Variants in VWA8 observed in about 807,000 individuals in gnomAD.
The protein encoded by VWA8 is von Willebrand factor A domain containing 8, also known as von Willebrand factor A domain-containing protein 8.
Under a neutral mutation model 241.5 loss-of-function variants are expected in VWA8, and 221 were observed. That is an observed-to-expected ratio of 0.91 (90% confidence interval 0.82 to 1.02). The LOEUF (loss-of-function observed/expected upper bound fraction) is 1.02. Among genes scored for constraint, VWA8 ranks in the 50% least tolerant of loss-of-function variants. The pLI is 0.00. For missense variants in VWA8, 2,322 were observed against 2,328.7 expected (o/e 1.00, Z 0.06); for synonymous variants, 852 against 827.1 (o/e 1.03, Z -0.52).
intron 17 of VWA8, among the ~76,000 whole-genome samples, chr13:41,790,663 A>G (rs540430410): frequency 1.2e-4 from 19 of 152,142 alleles, no homozygotes; most frequent in East Asian, 1.2e-3. Context: ...TGAGTGAAGT[A>G]GAACTCTTAT....
At chr13:41,805,767 T>C (rs1445533363) in intron 17 of VWA8, among the ~76,000 whole-genome samples, 1 of 151,864 alleles carries the variant, frequency 6.6e-6, no homozygotes, top group Non-Finnish European at 1.5e-5. Flanking sequence ...TGAGCCAAGA[T>C]TGCGCCATTG....
chr13:41,894,403 G>A (rs6561020), intron 4 of VWA8, among the ~76,000 whole-genome samples: 55,300 of 152,022 alleles, frequency 0.36, 10,390 homozygotes, highest in African/African-American at 0.46. Flanking sequence ...GATGGAAAAA[G>A]GATAACACAA....
At chr13:41,930,462 C>T (rs1877051966) in intron 2 of VWA8, among the ~76,000 whole-genome samples, 1 of 152,140 alleles carries the variant, frequency 6.6e-6, no homozygotes, top group South Asian at 2.1e-4. Context: ...CGGAAACAAC[C>T]AAAATGTCAA....
intron 5 of VWA8, among the ~76,000 whole-genome samples, chr13:41,889,355 A>G (rs1294356022): frequency 2.0e-5 from 3 of 151,992 alleles, no homozygotes. Flanking sequence ...CTCACTTAAT[A>G]ATAAGCATTC....
In VWA8 at chr13:41,885,979, A is replaced by G. The variant is rs1874513914; in HGVS notation, c.916T>C (p.Ser306Pro). 2 of 1,607,964 alleles carry G rather than the reference A, an allele frequency of 1.2e-6. No individual in the cohort carries two copies. Among genetic ancestry groups the G allele is most frequent in the Non-Finnish European group, 1.7e-6 (2 of 1,178,540 alleles). Residue 306 changes from serine to proline, a missense_variant, in exon 8 of 45, where the codon TCT becomes CCT. Transcript: ENST00000379310. ...FATTLCSQES[S>P]TLGLPDFPLD... The stretch of plus-strand genomic sequence containing the variant: ...GGAAAGTCTGGAAGTCCAAGAGTAG[A>G]AGATTCTTGGGAACACAGAGTTGTG...
intron 14 of VWA8, among the ~76,000 whole-genome samples, chr13:41,824,050 C>A (rs1037011261): frequency 6.6e-5 from 10 of 152,254 alleles, no homozygotes; most frequent in East Asian, 1.9e-4. Flanking sequence ...ATAGAGTTAC[C>A]CTTACCTGAG....
chr13:41,628,600 T>TA (rs925563523), intron 37 of VWA8, among the ~76,000 whole-genome samples: 10 of 151,964 alleles, frequency 6.6e-5, no homozygotes, highest in East Asian at 3.9e-4. Flanking sequence ...TATGCAGCCA[T>TA]AAAAAAAATA....
intron 17 of VWA8, among the ~76,000 whole-genome samples, chr13:41,793,018 G>A (rs1869526320): frequency 6.6e-6 from 1 of 152,006 alleles, no homozygotes; most frequent in Non-Finnish European, 1.5e-5. Context: ...TGCTAAAAGT[G>A]CTGAAAGATA....
intron 43 of VWA8, among the ~76,000 whole-genome samples, chr13:41,574,295 A>C (rs1490685347): frequency 6.6e-6 from 1 of 152,190 alleles, no homozygotes; most frequent in Non-Finnish European, 1.5e-5. Flanking sequence ...CAAGCTGAGA[A>C]TCAAATCAAG....
chr13:41,704,098 C>G (rs2045267736), intron 26 of VWA8, among the ~76,000 whole-genome samples: 2 of 152,154 alleles, frequency 1.3e-5, no homozygotes, highest in South Asian at 4.1e-4. Context: ...GAAGAGTACA[C>G]CATACTACTA....
intron 2 of VWA8, among the ~76,000 whole-genome samples, chr13:41,947,951 AAAC>A (rs1340463273): frequency 3.8e-5 from 5 of 131,066 alleles, no homozygotes; most frequent in East Asian, 2.0e-4. Context: ...AAAAAAAAAA[AAAC>A]AAAACAAAAC....
chr13:41,570,461 C>T lies in VWA8; in HGVS notation c.5609+7G>A, dbSNP rs1861616686. ...TGCCCTTTTCTGTATGCTCAGATGA[C>T]ACTTACCTGGTTGCTTGATCACCTA... On this transcript the variant is annotated splice_region_variant and intron_variant, in intron 44 of 44. Coordinates refer to ENST00000379310, the MANE Select transcript of VWA8 (RefSeq NM_015058.2). 1 of 1,612,228 alleles carries T rather than the reference C, an allele frequency of 6.2e-7. No homozygotes were observed. Among genetic ancestry groups the T allele is most frequent in the East Asian group, 2.2e-5 (1 of 44,860 alleles).
At position 41,681,813 on chromosome 13, in the gene VWA8, T is replaced by C. The variant is rs184780101; in HGVS notation, c.4327+3234A>G. 3.3e-5 allele frequency among the ~76,000 whole-genome samples: 5 copies of C among 152,190 alleles called. No homozygotes were observed. The East Asian group carries it at 7.7e-4, about 24-fold the overall frequency. On this transcript the variant is annotated intron_variant, in intron 35 of 44. Transcript: ENST00000379310. ...TAATATAGATTTGAACAAGACCTTC[T>C]GAGGAAGTGACATTTAAACTGAGAA...
chr13:41,847,245 G>A (rs1291303701), intron 12 of VWA8, among the ~76,000 whole-genome samples: 2 of 152,040 alleles, frequency 1.3e-5, no homozygotes, highest in Non-Finnish European at 2.9e-5. Flanking sequence ...GAGAAGAAAG[G>A]AATAGAAGGA....
At chr13:41,813,476 A>T (rs1291818751) in intron 16 of VWA8, among the ~76,000 whole-genome samples, 3 of 152,198 alleles carry the variant, frequency 2.0e-5, no homozygotes, top group African/African-American at 7.2e-5. Flanking sequence ...ACCTAGGACC[A>T]TGAAAAATTC....
At chr13:41,651,031 G>A (rs1327535230) in intron 37 of VWA8, among the ~76,000 whole-genome samples, 1 of 152,100 alleles carries the variant, frequency 6.6e-6, no homozygotes, top group African/African-American at 2.4e-5. Flanking sequence ...CTCATAAAAT[G>A]CGTAATAAAT....
chr13:41,710,828 G>A (rs1286477227), intron 26 of VWA8, among the ~76,000 whole-genome samples: 1 of 152,146 alleles, frequency 6.6e-6, no homozygotes, highest in African/African-American at 2.4e-5. Flanking sequence ...TCTAATAAAC[G>A]TATTCCAAAG....
chr13:41,692,990 A>C lies in VWA8; in HGVS notation c.3565-18T>G. ...ACATTACTCTGCAAATGATAAAAAC[A>C]GTGAAAAGCTCAAGATTTGTTCTTT... On this transcript the variant is annotated intron_variant, in intron 29 of 44. Transcript: ENST00000379310. 3.2e-6 allele frequency: 5 copies of C among 1,544,180 alleles called. No homozygotes were observed. Among genetic ancestry groups the C allele is most frequent in the Non-Finnish European group, 4.4e-6 (5 of 1,131,958 alleles).
intron 40 of VWA8, among the ~76,000 whole-genome samples, chr13:41,598,553 A>G (rs1044996181): frequency 2.0e-5 from 3 of 152,044 alleles, no homozygotes; most frequent in Non-Finnish European, 4.4e-5. Flanking sequence ...TTAATTGACT[A>G]GAGTATTTAT....
Sources: gnomAD v4.1 joint callset for allele counts (sites outside exome capture counted in the v4.1 genomes callset) on GRCh38, gnomAD v4.1.1 for gene constraint, MANE v1.5 for transcripts, NCBI Gene and HGNC (gene_info 2026-07-23, HGNC 2026-07-21) for gene names.